Variants in KDM2B observed in about 807,000 individuals in gnomAD.
The protein encoded by KDM2B is lysine-specific demethylase 2B.
KDM2B carries 26 observed loss-of-function variants against 150.0 expected under a neutral mutation model. That is an observed-to-expected ratio of 0.17 (90% CI 0.13 to 0.24). The LOEUF (loss-of-function observed/expected upper bound fraction) is 0.24, where lower values mean the gene tolerates loss of function less well. Among genes scored for constraint, KDM2B ranks in the 10% least tolerant of loss-of-function variants. The probability of loss-of-function intolerance (pLI) is 1.00; values close to 1 mark genes in which losing one functional copy is unlikely to be tolerated. For synonymous variants in KDM2B, 734 were observed against 729.5 expected, an observed-to-expected ratio of 1.01 and a Z score of -0.10; for missense variants, 1,265 against 1,816.9, an observed-to-expected ratio of 0.70 and a Z score of 5.52.
At chr12:121,534,389 G>A in intron 7 of KDM2B, 108 bp downstream of exon 7, 1 of 783,186 alleles carries the variant, frequency 1.3e-6, no homozygotes, top group South Asian at 1.5e-5. Context: ...TACTCCTGGG[G>A]CAGGGCTGGT....
the KDM2B span, chr12:121,420,903 CAGTT>C: frequency 1.4e-4 from 93 of 687,610 alleles, no homozygotes; most frequent in African/African-American, 1.2e-3. Flanking sequence ...TACTGAGTAT[CAGTT>C]AGTTACATGA....
Position 121,468,851 on chromosome 12 carries a change from C to T in KDM2B, c.1735-15507G>A, listed in dbSNP as rs1880413480. On this transcript the variant is annotated intron_variant, in intron 12 of 22. Coordinates refer to ENST00000377071, the MANE Select transcript of KDM2B (RefSeq NM_032590.5). This position sits in a 1 kb window ranked among gnomAD's most constrained non-coding sequence, Gnocchi z 4.0. ...TTTACACACCCACTATAGAAAAAAT[C>T]CCAGTCGACTTGCTCTTTGCCGAAA... is the stretch of plus-strand genomic sequence containing the variant. 6.6e-6 allele frequency: 1 copy of T among 152,160 alleles called. No individual in the cohort carries two copies. Among genetic ancestry groups the T allele is most frequent in the Admixed American group, 6.5e-5 (1 of 15,278 alleles). The allele number at this position is 152,160 out of a possible 1,614,324, so 9.4% of individuals were successfully genotyped here. A position where few individuals can be genotyped will look rare whatever the true frequency, so the allele number is the denominator to read the frequency against.
At chr12:121,544,467 G>A (rs1216793077) in intron 6 of KDM2B, among the ~76,000 whole-genome samples, 1 of 151,582 alleles carries the variant, frequency 6.6e-6, no homozygotes, top group African/African-American at 2.4e-5. Context: ...AACATTAGCC[G>A]GGTGTGTTGG....
At chr12:121,451,050 C>T (rs1040519305) in intron 13 of KDM2B, among the ~76,000 whole-genome samples, 1 of 152,000 alleles carries the variant, frequency 6.6e-6, no homozygotes, top group Non-Finnish European at 1.5e-5. Flanking sequence ...TGTGTGGGTC[C>T]GCTTATATGC....
At chr12:121,531,128 C>T (rs1396201755) in intron 8 of KDM2B, among the ~76,000 whole-genome samples, 3 of 152,092 alleles carry the variant, frequency 2.0e-5, no homozygotes, top group Non-Finnish European at 4.4e-5. Flanking sequence ...CACTACTCCA[C>T]ATCTGCCAGG....
At chr12:121,440,413 G>C in intron 21 of KDM2B, 2 of 416,596 alleles carry the variant, frequency 4.8e-6, no homozygotes, top group South Asian at 5.2e-5. Flanking sequence ...GCCCAGTCCA[G>C]GGGGAGGTGC....
intron 12 of KDM2B, among the ~76,000 whole-genome samples, chr12:121,484,361 A>G (rs976918487): frequency 2.0e-5 from 3 of 152,098 alleles, no homozygotes; most frequent in African/African-American, 7.2e-5. Context: ...AGAAGGAAGG[A>G]GTGTAAGCAA....
chr12:121,418,406 T>TTACAATTA, the KDM2B span: 1 of 156,592 alleles, frequency 6.4e-6, no homozygotes, highest in African/African-American at 2.4e-5. Context: ...ATTAATAATA[T>TTACAATTA]TGTCCCAGTG....
At position 121,575,725 on chromosome 12, in the gene KDM2B, A is replaced by G; in HGVS notation, c.350+56T>C. On this transcript the variant is annotated intron_variant, in intron 3 of 22. Transcript: ENST00000377071. This position sits in a 1 kb window ranked among gnomAD's most constrained non-coding sequence, Gnocchi z 4.4. ...GGGTGGAAGAAATCCATCCCAAGCTATAAAGTATGTTAGGGAGGAAGACGG... is the reference window on the plus strand; with the variant it reads ...GGGTGGAAGAAATCCATCCCAAGCTGTAAAGTATGTTAGGGAGGAAGACGG... 1 of 1,232,484 alleles carries G rather than the reference A, an allele frequency of 8.1e-7. No individual in the cohort carries two copies. Among genetic ancestry groups the G allele is most frequent in the East Asian group, 2.3e-5 (1 of 43,108 alleles). 76.3% of individuals were successfully genotyped at this position (1,232,484 alleles called of 1,614,324 possible).
intron 4 of KDM2B, among the ~76,000 whole-genome samples, chr12:121,564,048 G>GA (rs1890528493): frequency 6.6e-6 from 1 of 152,096 alleles, no homozygotes; most frequent in Non-Finnish European, 1.5e-5. Flanking sequence ...CCAGGAGGTT[G>GA]AGGCGGCAGT....
intron 22 of KDM2B, among the ~76,000 whole-genome samples, chr12:121,438,803 T>A (rs1202372264): frequency 4.0e-5 from 6 of 151,710 alleles, no homozygotes; most frequent in Non-Finnish European, 8.8e-5. Flanking sequence ...GATGGGGATG[T>A]CCTTAGTACT....
At chr12:121,572,444 C>T (rs578117247) in intron 4 of KDM2B, among the ~76,000 whole-genome samples, 3 of 152,276 alleles carry the variant, frequency 2.0e-5, no homozygotes, top group Admixed American at 2.0e-4. Flanking sequence ...AGTTTATCCC[C>T]CGACTTCCCT....
At chr12:121,580,623 G>T (rs951566484) in intron 1 of KDM2B, among the ~76,000 whole-genome samples, 163 bp downstream of exon 1, 3 of 152,090 alleles carry the variant, frequency 2.0e-5, no homozygotes, top group Non-Finnish European at 2.9e-5. Context: ...AGATTTGCAC[G>T]GCTGGCCTCA....
intron 12 of KDM2B, among the ~76,000 whole-genome samples, chr12:121,485,987 G>A (rs1016254977): frequency 6.6e-6 from 1 of 151,964 alleles, no homozygotes; most frequent in Non-Finnish European, 1.5e-5. Context: ...ATGTTTGCCA[G>A]GCTGATCTCG....
intron 11 of KDM2B, among the ~76,000 whole-genome samples, chr12:121,499,354 C>CA (rs1884292946): frequency 6.6e-6 from 1 of 150,722 alleles, no homozygotes; most frequent in South Asian, 2.1e-4. Flanking sequence ...CTGCTGACCT[C>CA]AGGCGATCCA....
chr12:121,561,047 G>A (rs1359976857), intron 4 of KDM2B, among the ~76,000 whole-genome samples: 4 of 143,560 alleles, frequency 2.8e-5, no homozygotes, highest in African/African-American at 7.5e-5. Context: ...TCCCTCCGCC[G>A]CCCACCCACC....
At chr12:121,535,168 C>G (rs1483360307) in intron 6 of KDM2B, among the ~76,000 whole-genome samples, 7 of 151,144 alleles carry the variant, frequency 4.6e-5, no homozygotes, top group Non-Finnish European at 2.9e-5. Context: ...CCTAACTGTG[C>G]GACACTCCTA....
At chr12:121,426,875 C>T (rs989052163), downstream of KDM2B, among the ~76,000 whole-genome samples, 6 of 152,112 alleles carry the variant, frequency 3.9e-5, no homozygotes, top group Admixed American at 1.3e-4. Context: ...TCGCCCGCCT[C>T]GGCCTCTCAA....
At chr12:121,450,067 T>C (rs1876959890) in intron 13 of KDM2B, among the ~76,000 whole-genome samples, 1 of 152,126 alleles carries the variant, frequency 6.6e-6, no homozygotes, top group South Asian at 2.1e-4. Flanking sequence ...TCCCAGCACT[T>C]TGGGAGGCCA....
Sources: allele counts gnomAD v4.1 joint callset (sites outside exome capture counted in the v4.1 genomes callset), GRCh38; gene constraint gnomAD v4.1.1; non-coding constraint Gnocchi (gnomAD v3.1); transcripts MANE v1.5; gene names NCBI Gene and HGNC (gene_info 2026-07-23, HGNC 2026-07-21).